The following DCTN1 variants were observed in gnomAD, a reference collection of about 807,000 sequenced individuals.
DCTN1 encodes 150 kDa dynein-associated polypeptide.
In DCTN1, 61 loss-of-function variants were observed where a neutral mutation model predicts 161.2. The observed-to-expected ratio is 0.38, with a 90% confidence interval of 0.31 to 0.47. DCTN1 has a LOEUF of 0.47. Among genes scored for constraint, DCTN1 ranks in the 20% least tolerant of loss-of-function variants. The pLI, the probability that DCTN1 is intolerant of heterozygous loss-of-function variation, is 0.99. For missense variants in DCTN1, 1,404 were observed against 1,623.7 expected (o/e 0.86, Z 2.33); for synonymous variants, 653 against 632.4 (o/e 1.03, Z -0.49).
intron 5 of DCTN1, chr2:74,374,618 G>C (rs1333947090): frequency 3.9e-5 from 49 of 1,248,022 alleles, no homozygotes; most frequent in Non-Finnish European, 4.9e-5. Flanking sequence ...GGCAGGCACC[G>C]GAGCGGTGCC....
intron 27 of DCTN1, 84 bp from the exon 28 acceptor site, chr2:74,363,511 AT>A: frequency 6.3e-7 from 1 of 1,597,048 alleles, no homozygotes. Context: ...CCCTTTCCTC[AT>A]CCCCCCATCA....
rs1332604948 is a variant in DCTN1 at position 74,370,152 on chromosome 2, G to T, written c.1287+34C>A. On this transcript the variant is annotated intron_variant, in intron 12 of 31. Coordinates refer to ENST00000628224, the MANE Select transcript of DCTN1 (RefSeq NM_004082.5). This position sits in a 1 kb window ranked among gnomAD's most constrained non-coding sequence, Gnocchi z 4.4. ...CATCAACTGATAGGAGAGTCAGGTG[G>T]GGGATTCTGGGTGAGGGGCTGGGCT... The T allele has an allele frequency of 6.2e-7, 1 of 1,613,746 alleles. No homozygotes were observed. Among genetic ancestry groups the T allele is most frequent in the Non-Finnish European group, 8.5e-7 (1 of 1,180,018 alleles).
chr2:74,364,845 T>C (rs1485939096), intron 26 of DCTN1: 2 of 592,058 alleles, frequency 3.4e-6, no homozygotes, highest in East Asian at 6.0e-5. Flanking sequence ...ATCATTATTC[T>C]GAGCCTCATT....
chr2:74,362,272 G>GCTCT, intron 30 of DCTN1, 131 bp from the exon 31 acceptor site: 1 of 782,494 alleles, frequency 1.3e-6, no homozygotes, highest in Non-Finnish European at 2.1e-6. Flanking sequence ...ACATACTTTT[G>GCTCT]CTCTCATCTC....
Position 74,371,745 on chromosome 2 carries a change from G to C in DCTN1, c.454-17C>G, listed in dbSNP as rs1200360124. 6.2e-7 allele frequency: 1 copy of C among 1,603,014 alleles called. No homozygotes were observed. The highest frequency in any genetic ancestry group is 8.5e-7 in the Non-Finnish European group (1 of 1,175,876). The stretch of plus-strand genomic sequence containing the variant: ...GCGCGTGGGCTATTCAGAAAGGGTA[G>C]AGGCAGACCAGAAAGAAAGCAGAGG... On this transcript the variant is annotated splice_polypyrimidine_tract_variant and intron_variant, in intron 7 of 31. Transcript: ENST00000628224.
chr2:74,387,102 C>T (rs1675765928), intron 1 of DCTN1: 2 of 152,326 alleles, frequency 1.3e-5, no homozygotes, highest in Admixed American at 1.3e-4. Flanking sequence ...TACCACTCCA[C>T]TGAAGCTGCT....
At chr2:74,368,916 A>T in intron 15 of DCTN1, 36 bp from the exon 16 acceptor site, 2 of 1,612,952 alleles carry the variant, frequency 1.2e-6, no homozygotes, top group South Asian at 2.2e-5. Context: ...TCTTAGCCAG[A>T]GCTGAAAGAG....
Position 74,370,087 on chromosome 2 carries a change from T to G in DCTN1, c.1288-18A>C, listed in dbSNP as rs770601874. On this transcript the variant is annotated intron_variant, in intron 12 of 31. Transcript: ENST00000628224. The surrounding 1 kb of genome is among the most constrained non-coding windows in gnomAD (Gnocchi z 4.4). ...GCATCCACCTGTGTTACGGGGAGGA[T>G]AGGGAGAAGGGCTGCTGGAAGGTAC... 1 of 1,614,002 alleles carries G rather than the reference T, an allele frequency of 6.2e-7. No homozygotes were observed. Among genetic ancestry groups the G allele is most frequent in the Non-Finnish European group, 8.5e-7 (1 of 1,179,980 alleles).
At chr2:74,377,618 G>C (rs773772928) in intron 3 of DCTN1, 30 bp downstream of exon 3, 4 of 1,595,334 alleles carry the variant, frequency 2.5e-6, no homozygotes, top group South Asian at 2.2e-5. Context: ...CCTGGCTATG[G>C]GGAGGCAACT....
chr2:74,368,498 C>T (rs1184640639), intron 16 of DCTN1: 1 of 680,230 alleles, frequency 1.5e-6, no homozygotes. Context: ...CTCAGTCACA[C>T]CCTGCTCACC....
chr2:74,379,900 G>T, intron 1 of DCTN1, 105 bp downstream of exon 1: 1 of 1,217,376 alleles, frequency 8.2e-7, no homozygotes, highest in Non-Finnish European at 1.2e-6. Context: ...AGTGCCCTCA[G>T]CTGAGCTCCA....
Position 74,367,345 on chromosome 2 carries a change from A to T in DCTN1, c.2253+7T>A, listed in dbSNP as rs1674495620. On this transcript the variant is annotated splice_region_variant and intron_variant, in intron 19 of 31. Coordinates refer to ENST00000628224, the MANE Select transcript of DCTN1 (RefSeq NM_004082.5). ...CGGGGGCTCAATCACTGGCCCAGAT[A>T]CTTCACCTTAATGTGGTCAGCCAGC... 1 of 1,613,946 alleles carries T rather than the reference A, an allele frequency of 6.2e-7. No homozygotes were observed. The highest frequency in any genetic ancestry group is 8.5e-7 in the Non-Finnish European group (1 of 1,180,000).
At chr2:74,381,668 T>C (rs75424072), upstream of DCTN1, among the ~76,000 whole-genome samples, 5,893 of 152,258 alleles carry the variant, frequency 0.039, 388 homozygotes, top group African/African-American at 0.13. Flanking sequence ...GGTTGAGTAC[T>C]GGTTCTAGAC....
At chr2:74,379,958 C>G in intron 1 of DCTN1, 47 bp downstream of exon 1, 2 of 1,593,382 alleles carry the variant, frequency 1.3e-6, no homozygotes, top group Non-Finnish European at 1.7e-6. Context: ...GGCAGCCAGG[C>G]CTTCCCCAGC....
At chr2:74,376,044 T>C (rs561318476) in intron 5 of DCTN1, among the ~76,000 whole-genome samples, 1 of 151,926 alleles carries the variant, frequency 6.6e-6, no homozygotes, top group African/African-American at 2.4e-5. Flanking sequence ...TTTGAGGAAG[T>C]GGTCATGGCA....
Position 74,380,199 on chromosome 2 carries a change from C to A in DCTN1, c.-162G>T. 1 of 754,962 alleles carries A rather than the reference C, an allele frequency of 1.3e-6. No individual in the cohort carries two copies. Among genetic ancestry groups the A allele is most frequent in the Non-Finnish European group, 2.3e-6 (1 of 433,994 alleles). 46.8% of individuals were successfully genotyped at this position (754,962 alleles called of 1,614,324 possible). Reference sequence around the variant, plus strand: ...CATGGGCCTCACTCGGTGGCCTACACGGGTAGGGGTGGGGGCAGTGATGGG... The same window carrying A: ...CATGGGCCTCACTCGGTGGCCTACAAGGGTAGGGGTGGGGGCAGTGATGGG... On this transcript the variant is annotated 5_prime_UTR_variant, in exon 1 of 32. Transcript: ENST00000628224.
At chr2:74,383,737 A>G (rs74338105), upstream of DCTN1, 8,238 of 152,324 alleles carry the variant, frequency 0.054, 456 homozygotes, top group East Asian at 0.31. Flanking sequence ...GGCTCTGGAG[A>G]CAGACCTGAA....
At position 74,369,760 on chromosome 2, in the gene DCTN1, C is replaced by T. The variant is rs373367730; in HGVS notation, c.1392+205G>A. Among the ~76,000 whole-genome samples, 1 of 150,714 alleles carries T rather than the reference C, an allele frequency of 6.6e-6. No homozygotes were observed. Among genetic ancestry groups the T allele is most frequent in the East Asian group, 1.9e-4 (1 of 5,130 alleles). ...CCTGGGAGGCGGAGGTTGCAGTGAG[C>T]CGAGATTATTGCGCCACTGCGCTCC... is the stretch of plus-strand genomic sequence containing the variant. On this transcript the variant is annotated intron_variant, in intron 13 of 31. Coordinates refer to ENST00000628224, the MANE Select transcript of DCTN1 (RefSeq NM_004082.5). This position sits in a 1 kb window ranked among gnomAD's most constrained non-coding sequence, Gnocchi z 4.9.
chr2:74,361,173 T>G lies in DCTN1; in HGVS notation c.*326A>C, dbSNP rs1558929776. On this transcript the variant is annotated 3_prime_UTR_variant, in exon 32 of 32. Coordinates refer to ENST00000628224, the MANE Select transcript of DCTN1 (RefSeq NM_004082.5). ...CAGGAAGCACTGAAGCAGAAGTTGC[T>G]TTAATCAAGGGGTGAAGTCCTCAAT... is the stretch of plus-strand genomic sequence containing the variant. The G allele has an allele frequency of 4.5e-6, 2 of 448,800 alleles. No individual in the cohort carries two copies. The highest frequency in any genetic ancestry group is 8.7e-6 in the Non-Finnish European group (2 of 230,466). 27.8% of individuals were successfully genotyped at this position (448,800 alleles called of 1,614,324 possible). A position where few individuals can be genotyped will look rare whatever the true frequency, so the allele number is the denominator to read the frequency against.
Sources: gnomAD v4.1 joint callset for allele counts (sites outside exome capture counted in the v4.1 genomes callset) on GRCh38, gnomAD v4.1.1 for gene constraint, Gnocchi (gnomAD v3.1) non-coding constraint, MANE v1.5 for transcripts, NCBI Gene and HGNC (gene_info 2026-07-23, HGNC 2026-07-21) for gene names.